The following RBFOX1 variants were observed in gnomAD, a reference collection of about 807,000 sequenced individuals.
The protein encoded by RBFOX1 is RNA binding protein fox-1 homolog 1.
In RBFOX1, 8 loss-of-function variants were observed where a neutral mutation model predicts 57.7. The observed-to-expected ratio is 0.14, with a 90% confidence interval of 0.08 to 0.25. The LOEUF (loss-of-function observed/expected upper bound fraction) is 0.25, where lower values mean the gene tolerates loss of function less well. Among genes scored for constraint, RBFOX1 ranks in the 10% least tolerant of loss-of-function variants. The pLI is 1.00. For synonymous variants in RBFOX1, 326 were observed against 222.4 expected (o/e 1.47, Z -4.15); for missense variants, 611 against 548.5 (o/e 1.11, Z -1.14).
chr16:5,891,427 C>T (rs1267377488), intron 4 of RBFOX1, among the ~76,000 whole-genome samples: 1 of 152,222 alleles, frequency 6.6e-6, no homozygotes, highest in Non-Finnish European at 1.5e-5. Flanking sequence ...CTTTAATTTA[C>T]ATCTTTTAAT....
intron 4 of RBFOX1, among the ~76,000 whole-genome samples, chr16:7,265,958 G>GTAT (rs1567956396): frequency 5.6e-5 from 6 of 107,604 alleles, no homozygotes; most frequent in African/African-American, 9.2e-5. Context: ...GATCTGGTGG[G>GTAT]TTTTTGTTTT....
chr16:7,235,828 A>C (rs1567830993), intron 4 of RBFOX1, among the ~76,000 whole-genome samples: 2 of 152,188 alleles, frequency 1.3e-5, no homozygotes, highest in Admixed American at 6.5e-5. Flanking sequence ...TATTCTGACA[A>C]TTCCAGTTTT....
intron 3 of RBFOX1, among the ~76,000 whole-genome samples, chr16:7,002,109 T>C (rs1039413891): frequency 1.3e-5 from 2 of 151,910 alleles, no homozygotes; most frequent in Admixed American, 6.6e-5. Context: ...AATTTTTTTT[T>C]CTCATGGGGT....
intron 1 of RBFOX1, among the ~76,000 whole-genome samples, chr16:5,414,777 C>G (rs1432323331): frequency 6.6e-6 from 1 of 152,134 alleles, no homozygotes; most frequent in Non-Finnish European, 1.5e-5. Flanking sequence ...AAATTGACAA[C>G]TGGCTGGACA....
chr16:7,582,547 G>T (rs2093853748), intron 6 of RBFOX1, among the ~76,000 whole-genome samples: 1 of 152,050 alleles, frequency 6.6e-6, no homozygotes, highest in Admixed American at 6.5e-5. Context: ...GATACATTTA[G>T]TGGCAGGAAT....
At chr16:7,215,704 C>G (rs528982310) in intron 4 of RBFOX1, among the ~76,000 whole-genome samples, 5 of 150,476 alleles carry the variant, frequency 3.3e-5, no homozygotes, top group African/African-American at 4.9e-5. Context: ...TTTTCTATCT[C>G]TAAGAATTGG....
intron 4 of RBFOX1, among the ~76,000 whole-genome samples, chr16:7,303,771 C>G (rs1366242200): frequency 4.0e-5 from 6 of 151,274 alleles, no homozygotes; most frequent in African/African-American, 1.2e-4. Flanking sequence ...CTCTCTCTCT[C>G]TCTCTCTCTC....
chr16:7,377,800 G>A (rs2147778541), intron 4 of RBFOX1, among the ~76,000 whole-genome samples: 1 of 152,278 alleles, frequency 6.6e-6, no homozygotes, highest in Non-Finnish European at 1.5e-5. Flanking sequence ...GGGACAGATA[G>A]GTGGTAAACA....
intron 3 of RBFOX1, among the ~76,000 whole-genome samples, chr16:6,845,878 G>A (rs2093728646): frequency 6.6e-6 from 1 of 152,112 alleles, no homozygotes; most frequent in Admixed American, 6.6e-5. Flanking sequence ...TATTCCTTCT[G>A]ATTCTTTATA....
intron 4 of RBFOX1, among the ~76,000 whole-genome samples, chr16:7,203,397 G>A (rs886177058): frequency 2.6e-5 from 4 of 152,324 alleles, no homozygotes. Context: ...GGAAAGGACA[G>A]TTATTGTTTA....
chr16:7,290,002 T>G (rs2095735099), intron 4 of RBFOX1, among the ~76,000 whole-genome samples: 1 of 152,222 alleles, frequency 6.6e-6, no homozygotes, highest in South Asian at 2.1e-4. Flanking sequence ...TTAATTCTTA[T>G]TATTTTTCTT....
At chr16:7,024,659 C>G (rs1283107864) in intron 3 of RBFOX1, among the ~76,000 whole-genome samples, 1 of 152,188 alleles carries the variant, frequency 6.6e-6, no homozygotes, top group African/African-American at 2.4e-5. Context: ...ATCTCCTGTT[C>G]TTTGCAGGCA....
chr16:6,685,422 T>A (rs77166626), intron 3 of RBFOX1, among the ~76,000 whole-genome samples: 1 of 150,136 alleles, frequency 6.7e-6, no homozygotes, highest in Non-Finnish European at 1.5e-5. Flanking sequence ...ATTACAGGCA[T>A]GTGCCACTAT....
At chr16:7,395,874 T>C (rs1246973762) in intron 4 of RBFOX1, among the ~76,000 whole-genome samples, 1 of 152,186 alleles carries the variant, frequency 6.6e-6, no homozygotes, top group Non-Finnish European at 1.5e-5. Context: ...TTGACTGGCA[T>C]GGTTACATAA....
rs78011727 is a variant in RBFOX1 at position 6,605,454 on chromosome 16, G to C, written c.-63-49149G>C. 5.9e-3 allele frequency among the ~76,000 whole-genome samples: 899 copies of C among 152,160 alleles called. 5 individuals are homozygous for C. The highest frequency in any genetic ancestry group is 0.021 in the African/African-American group (866 of 41,498). ...TGGATCTTATATTGTGGCAATATTAGCTTTCTGGCTGCTTTGAATTTGCAG... is the reference window on the plus strand; with the variant it reads ...TGGATCTTATATTGTGGCAATATTACCTTTCTGGCTGCTTTGAATTTGCAG... On this transcript the variant is annotated intron_variant, in intron 2 of 15. Transcript: ENST00000550418.
At chr16:6,250,455 A>G (rs1189809846) in intron 1 of RBFOX1, among the ~76,000 whole-genome samples, 1 of 152,156 alleles carries the variant, frequency 6.6e-6, no homozygotes, top group African/African-American at 2.4e-5. Context: ...AAAATGAGCA[A>G]TGCTATGGAC....
intron 2 of RBFOX1, among the ~76,000 whole-genome samples, chr16:6,405,904 G>T (rs980881160): frequency 6.6e-6 from 1 of 152,180 alleles, no homozygotes; most frequent in African/African-American, 2.4e-5. Flanking sequence ...CCTTTCCACA[G>T]AATAAAATTG....
chr16:7,617,312 A>G (rs192124141), intron 10 of RBFOX1, among the ~76,000 whole-genome samples: 1 of 152,230 alleles, frequency 6.6e-6, no homozygotes, highest in Non-Finnish European at 1.5e-5. Flanking sequence ...ATTGTTTTCC[A>G]GTAAAACTAA....
At chr16:5,998,100 A>G (rs1172937022) in intron 4 of RBFOX1, among the ~76,000 whole-genome samples, 3 of 152,164 alleles carry the variant, frequency 2.0e-5, no homozygotes, top group African/African-American at 2.4e-5. Context: ...AAACCTACCA[A>G]GTCCCTGTAC....
Sources: allele counts gnomAD v4.1 joint callset (sites outside exome capture counted in the v4.1 genomes callset), GRCh38; gene constraint gnomAD v4.1.1; transcripts MANE v1.5; gene names NCBI Gene and HGNC (gene_info 2026-07-23, HGNC 2026-07-21).